The following LEMD3 variants were observed in gnomAD, a reference collection of about 807,000 sequenced individuals.
The protein encoded by LEMD3 is LEM domain containing 3.
LEMD3 carries 33 observed loss-of-function variants against 95.2 expected under a neutral mutation model. That is an observed-to-expected ratio of 0.35 (90% CI 0.26 to 0.46). The LOEUF is 0.46. Among genes scored for constraint, LEMD3 ranks in the 20% least tolerant of loss-of-function variants. The pLI is 1.00. For missense variants in LEMD3, 1,210 were observed against 1,192.8 expected (o/e 1.01, Z -0.21); for synonymous variants, 525 against 474.6 (o/e 1.11, Z -1.38).
chr12:65,248,286 T>G lies in LEMD3; in HGVS notation c.*1961T>G, dbSNP rs558833096. 6.6e-6 allele frequency: 1 copy of G among 152,170 alleles called. No individual in the cohort carries two copies. Among genetic ancestry groups the G allele is most frequent in the African/African-American group, 2.4e-5 (1 of 41,546 alleles). 9.4% of individuals were successfully genotyped at this position (152,170 alleles called of 1,614,324 possible). A position where few individuals can be genotyped will look rare whatever the true frequency, so the allele number is the denominator to read the frequency against. ...TGATGTAATCTGTTACTTGTCCTGT[T>G]AAAAAAAGGAAAAAATTCTAATTAA... On this transcript the variant is annotated 3_prime_UTR_variant, in exon 13 of 13. Coordinates refer to ENST00000308330, the MANE Select transcript of LEMD3 (RefSeq NM_014319.5).
chr12:65,199,908 G>A (rs1205598904), intron 1 of LEMD3, among the ~76,000 whole-genome samples: 1 of 151,976 alleles, frequency 6.6e-6, no homozygotes, highest in East Asian at 1.9e-4. Context: ...TGAGAGTTCT[G>A]AGGCAGGAGA....
intron 1 of LEMD3, among the ~76,000 whole-genome samples, chr12:65,209,728 C>A (rs2136335100): frequency 6.6e-6 from 1 of 152,052 alleles, no homozygotes; most frequent in South Asian, 2.1e-4. Flanking sequence ...TAGCAAAATC[C>A]CTTATGATGA....
chr12:65,194,631 G>A (rs983707086), intron 1 of LEMD3, among the ~76,000 whole-genome samples: 11 of 152,112 alleles, frequency 7.2e-5, no homozygotes, highest in African/African-American at 2.7e-4. Flanking sequence ...CTACAATACT[G>A]ATGTAGGAGT....
In LEMD3 at chr12:65,240,248, A is replaced by C. The variant is rs1479589266; in HGVS notation, c.2126+10A>C. ...TACAGCCTCATGACAGGTGTGTTCA[A>C]AGCATTATGAGTTCAAGTAAATCAG... On this transcript the variant is annotated intron_variant, in intron 8 of 12. Coordinates refer to ENST00000308330, the MANE Select transcript of LEMD3 (RefSeq NM_014319.5). 3.8e-6 allele frequency: 6 copies of C among 1,575,104 alleles called. No individual in the cohort carries two copies. The highest frequency in any genetic ancestry group is 5.2e-6 in the Non-Finnish European group (6 of 1,144,528).
intron 1 of LEMD3, among the ~76,000 whole-genome samples, chr12:65,187,389 T>C (rs962277880): frequency 3.9e-5 from 6 of 152,044 alleles, no homozygotes; most frequent in African/African-American, 1.4e-4. Flanking sequence ...GTGCTAAGTT[T>C]TTCTTGGGTT....
chr12:65,169,603 G>A lies in LEMD3; in HGVS notation c.7G>A (p.Ala3Thr). ...AAAACACCCTGGAGAGAAAATGGCGGCGGCAGCAGCTTCGGCGCCTCAGCA... is the reference window on the plus strand; with the variant it reads ...AAAACACCCTGGAGAGAAAATGGCGACGGCAGCAGCTTCGGCGCCTCAGCA... MA[A>T]AAASAPQQLS... Residue 3 changes from alanine to threonine, a missense_variant, in exon 1 of 13, where the codon GCG (alanine) becomes ACG (threonine). Ala to Thr is a moderately conservative substitution (Grantham distance 58). Transcript: ENST00000308330. 1 of 1,587,890 alleles carries A rather than the reference G, an allele frequency of 6.3e-7. No individual in the cohort carries two copies. Among genetic ancestry groups the A allele is most frequent in the Non-Finnish European group, 8.6e-7 (1 of 1,169,294 alleles).
chr12:65,185,667 T>C (rs1030100751), intron 1 of LEMD3, among the ~76,000 whole-genome samples: 3 of 150,534 alleles, frequency 2.0e-5, no homozygotes, highest in Admixed American at 6.6e-5. Flanking sequence ...ACAAGGAAAT[T>C]ATATATAAAT....
intron 1 of LEMD3, among the ~76,000 whole-genome samples, chr12:65,186,792 T>C (rs187058436): frequency 2.0e-5 from 3 of 152,002 alleles, no homozygotes; most frequent in Admixed American, 6.6e-5. Context: ...AGTAAAAATA[T>C]ATAAGCATAG....
At position 65,170,652 on chromosome 12, in the gene LEMD3, C is replaced by G; in HGVS notation, c.1056C>G (p.Ser352Arg). 6.2e-7 allele frequency: 1 copy of G among 1,614,162 alleles called. No individual in the cohort carries two copies. Among genetic ancestry groups the G allele is most frequent in the Non-Finnish European group, 8.5e-7 (1 of 1,180,028 alleles). ...GAGGGTGTGATCAAGTGGACTCCAGCCCCGTTCCTAGATACCGTGTTAACG... is the reference window on the plus strand; with the variant it reads ...GAGGGTGTGATCAAGTGGACTCCAGGCCCGTTCCTAGATACCGTGTTAACG... ...QGGGCDQVDS[S>R]PVPRYRVNAK... Residue 352 changes from serine to arginine, a missense_variant, in exon 1 of 13, where the codon AGC becomes AGG. By Grantham distance (110) the Ser-to-Arg change is moderately radical (BLOSUM62 -1). Around this residue, in one of 2 missense-constraint regions of LEMD3, gnomAD observed 749 missense variants for 622.9 expected, o/e 1.20. Coordinates refer to ENST00000308330, the MANE Select transcript of LEMD3 (RefSeq NM_014319.5).
chr12:65,214,748 G>A (rs1870048789), intron 2 of LEMD3, among the ~76,000 whole-genome samples: 1 of 152,154 alleles, frequency 6.6e-6, no homozygotes. Flanking sequence ...CAGGAAGAAA[G>A]AAAGTAATAA....
In LEMD3 at chr12:65,238,528, A is replaced by G. The variant is rs368041039; in HGVS notation, c.1722A>G (p.Ile574Met). 14 of 1,609,140 alleles carry G rather than the reference A, an allele frequency of 8.7e-6. No homozygotes were observed. The African/African-American group carries it at 1.6e-4, about 18-fold the overall frequency. The change falls in exon 5 of 13, where the codon ATA becomes ATG. Residue 574 changes from isoleucine to methionine, a missense_variant. By Grantham distance (10) the Ile-to-Met change is conservative. Around this residue, in one of 2 missense-constraint regions of LEMD3, gnomAD observed 461 missense variants for 569.8 expected, o/e 0.81. Transcript: ENST00000308330. ...ATTTAGGTCCTGAATATGAAGGTAT[A>G]TTTAACACTTCATTGCAGTGGATCT... The part of the protein sequence containing the change: ...LKDLGPEYEG[I>M]FNTSLQWILE...
At chr12:65,238,945 A>T in intron 6 of LEMD3, 131 bp downstream of exon 6, 1 of 785,086 alleles carries the variant, frequency 1.3e-6, no homozygotes, top group South Asian at 1.5e-5. Context: ...TCTTCACTAA[A>T]TATAATAAAA....
intron 1 of LEMD3, among the ~76,000 whole-genome samples, chr12:65,182,801 T>TG (rs1868945460): frequency 6.6e-6 from 1 of 152,172 alleles, no homozygotes; most frequent in Non-Finnish European, 1.5e-5. Flanking sequence ...AGGATGGGTC[T>TG]TGGAGTAAGC....
chr12:65,246,614 AT>A lies in LEMD3; in HGVS notation c.*294del. On this transcript the variant is annotated 3_prime_UTR_variant, in exon 13 of 13. Transcript: ENST00000308330. Reference sequence around the variant, plus strand: ...AAGCATTTTCAGATGTGGTGGTTGTATTTTTGCCCCAAGAAGTGTTTGGATA... The same window carrying A: ...AAGCATTTTCAGATGTGGTGGTTGTATTTTGCCCCAAGAAGTGTTTGGATA... 2.6e-6 allele frequency: 1 copy of A among 378,018 alleles called. No homozygotes were observed. The highest frequency in any genetic ancestry group is 4.9e-6 in the Non-Finnish European group (1 of 204,314). 23.4% of individuals were successfully genotyped at this position (378,018 alleles called of 1,614,324 possible). A position where few individuals can be genotyped will look rare whatever the true frequency, so the allele number is the denominator to read the frequency against.
At chr12:65,243,297 C>G (rs757802764) in intron 9 of LEMD3, 91 bp from the exon 10 acceptor site, 60 of 802,118 alleles carry the variant, frequency 7.5e-5, no homozygotes, top group Non-Finnish European at 1.1e-4. Context: ...TAAAAGCATG[C>G]AGTGAATATT....
chr12:65,182,532 A>G (rs1217289676), intron 1 of LEMD3, among the ~76,000 whole-genome samples: 1 of 152,192 alleles, frequency 6.6e-6, no homozygotes, highest in Non-Finnish European at 1.5e-5. Context: ...AAACCTTTCA[A>G]GCTGTCTGAG....
intron 1 of LEMD3, among the ~76,000 whole-genome samples, chr12:65,206,461 A>G (rs965066488): frequency 3.9e-5 from 6 of 152,180 alleles, no homozygotes; most frequent in African/African-American, 7.2e-5. Flanking sequence ...TGTAACTAAC[A>G]TAACACCTGG....
chr12:65,215,076 T>C (rs1286801469), intron 2 of LEMD3, among the ~76,000 whole-genome samples: 1 of 152,214 alleles, frequency 6.6e-6, no homozygotes, highest in Non-Finnish European at 1.5e-5. Context: ...AGTCAAACTC[T>C]CTGTCTTGCT....
intron 1 of LEMD3, among the ~76,000 whole-genome samples, chr12:65,181,090 A>C (rs1216905144): frequency 1.3e-5 from 2 of 152,138 alleles, no homozygotes; most frequent in African/African-American, 4.8e-5. Flanking sequence ...TCACCAAGGT[A>C]AAATTTTCAA....
Sources: gnomAD v4.1 joint callset for allele counts (sites outside exome capture counted in the v4.1 genomes callset) on GRCh38, gnomAD v4.1.1 for gene constraint, gnomAD v4.1.1 regional missense constraint, MANE v1.5 for transcripts, NCBI Gene and HGNC (gene_info 2026-07-23, HGNC 2026-07-21) for gene names.